Variants in NPNT observed in about 807,000 individuals in gnomAD.
The protein encoded by NPNT is nephronectin, also known as preosteoblast EGF-like repeat protein with MAM domain.
NPNT carries 45 observed loss-of-function variants against 68.6 expected under a neutral mutation model. That is an observed-to-expected ratio of 0.66 (90% CI 0.52 to 0.84). The LOEUF (loss-of-function observed/expected upper bound fraction) is 0.84. NPNT is among the 40% of genes least tolerant of loss of function. The pLI, the probability that NPNT is intolerant of heterozygous loss-of-function variation, is 0.00. For missense variants in NPNT, 672 were observed against 714.8 expected, an observed-to-expected ratio of 0.94 and a Z score of 0.68; for synonymous variants, 233 against 253.3, an observed-to-expected ratio of 0.92 and a Z score of 0.76.
chr4:105,954,989 A>T (rs1731106759), intron 8 of NPNT, among the ~76,000 whole-genome samples: 1 of 152,244 alleles, frequency 6.6e-6, no homozygotes, highest in South Asian at 2.1e-4. Flanking sequence ...TGTATAGCTG[A>T]TGCTCAGTTT....
At chr4:105,933,830 C>G (rs944877125) in intron 3 of NPNT, among the ~76,000 whole-genome samples, 37 of 152,278 alleles carry the variant, frequency 2.4e-4, no homozygotes, top group African/African-American at 7.7e-4. Context: ...ATCCAAGCTC[C>G]TGAATCCACC....
At chr4:105,917,576 G>A (rs986712390) in intron 2 of NPNT, among the ~76,000 whole-genome samples, 1 of 152,126 alleles carries the variant, frequency 6.6e-6, no homozygotes, top group East Asian at 1.9e-4. Flanking sequence ...ATATTTAAAA[G>A]TAAACCTGTA....
chr4:105,902,482 G>A (rs1022129991), intron 2 of NPNT, among the ~76,000 whole-genome samples: 1 of 152,126 alleles, frequency 6.6e-6, no homozygotes, highest in African/African-American at 2.4e-5. Context: ...TTGGTGGAGC[G>A]GAGTACACTT....
intron 2 of NPNT, 23 bp from the exon 3 acceptor site, chr4:105,927,313 T>C (rs1269933023): frequency 1.3e-6 from 2 of 1,508,504 alleles, no homozygotes; most frequent in South Asian, 2.3e-5. Context: ...CTAGAAATAA[T>C]GCATGCCATC....
intron 10 of NPNT, among the ~76,000 whole-genome samples, chr4:105,966,328 A>G (rs1167117484): frequency 6.6e-6 from 1 of 152,090 alleles, no homozygotes; most frequent in Non-Finnish European, 1.5e-5. Context: ...CTGCTGCTTA[A>G]CCATTTTTTT....
rs1491017197 is a variant in NPNT at position 105,962,869 on chromosome 4, GTA to G, written c.1345+3745_1345+3746del. 3.8e-3 allele frequency among the ~76,000 whole-genome samples: 489 copies of G among 129,188 alleles called. 3 individuals carry two copies. Among genetic ancestry groups the G allele is most frequent in the African/African-American group, 0.013 (418 of 32,058 alleles). The allele number at this position is 129,188 out of a possible 152,430, so 84.8% of individuals were successfully genotyped here. ...GGAGTGTATGTGTGTGTGTGTGTGT[GTA>G]TGTGTGTGTGTGTATGTATGTGTAT... On this transcript the variant is annotated intron_variant, in intron 10 of 11. Transcript: ENST00000379987.
chr4:105,948,642 CTT>C (rs1730572243), intron 8 of NPNT, among the ~76,000 whole-genome samples: 2 of 152,174 alleles, frequency 1.3e-5, no homozygotes, highest in South Asian at 4.1e-4. Context: ...AAATATTAAA[CTT>C]ATTTTTAAAA....
intron 8 of NPNT, among the ~76,000 whole-genome samples, chr4:105,950,596 C>T (rs894441229): frequency 7.2e-5 from 11 of 152,034 alleles, no homozygotes; most frequent in African/African-American, 2.4e-4. Context: ...CACCACCACA[C>T]CCAGCTAATT....
At chr4:105,904,792 G>A (rs2149321129) in intron 2 of NPNT, among the ~76,000 whole-genome samples, 1 of 151,880 alleles carries the variant, frequency 6.6e-6, no homozygotes, top group South Asian at 2.1e-4. Context: ...AAGCAATTCT[G>A]CCTCACTCTC....
intron 2 of NPNT, among the ~76,000 whole-genome samples, chr4:105,914,646 A>G (rs889092421): frequency 2.0e-5 from 3 of 151,474 alleles, no homozygotes; most frequent in Non-Finnish European, 2.9e-5. Flanking sequence ...GGCATGTTTT[A>G]GTATAGGATT....
At chr4:105,926,636 A>T (rs1202728904) in intron 2 of NPNT, among the ~76,000 whole-genome samples, 1 of 152,238 alleles carries the variant, frequency 6.6e-6, no homozygotes, top group African/African-American at 2.4e-5. Context: ...TATTTGAGTG[A>T]TGATTTACAG....
intron 2 of NPNT, among the ~76,000 whole-genome samples, chr4:105,900,834 G>GTTTTTTTTTTTTT (rs765343668): frequency 6.0e-4 from 58 of 96,522 alleles, no homozygotes; most frequent in Middle Eastern, 6.0e-3. Flanking sequence ...ACCCTTGGTT[G>GTTTTTTTTTTTTT]TTTTTTTTTT....
At chr4:105,917,511 C>T (rs761630079) in intron 2 of NPNT, among the ~76,000 whole-genome samples, 2 of 151,884 alleles carry the variant, frequency 1.3e-5, no homozygotes, top group Non-Finnish European at 2.9e-5. Flanking sequence ...AGCTCAAAGT[C>T]TAGTGAAGGA....
chr4:105,897,129 C>A (rs997646280), intron 1 of NPNT, among the ~76,000 whole-genome samples: 4 of 152,164 alleles, frequency 2.6e-5, no homozygotes, highest in Non-Finnish European at 5.9e-5. Context: ...TTAGGTGTGA[C>A]TCTAAACAAG....
At chr4:105,905,941 A>G (rs1441651060) in intron 2 of NPNT, among the ~76,000 whole-genome samples, 1 of 152,204 alleles carries the variant, frequency 6.6e-6, no homozygotes, top group Admixed American at 6.5e-5. Context: ...TCCTTAGAAG[A>G]TACCTTAAAA....
At chr4:105,958,404 G>A in intron 8 of NPNT, 67 bp from the exon 9 acceptor site, 1 of 852,958 alleles carries the variant, frequency 1.2e-6, no homozygotes, top group Non-Finnish European at 1.9e-6. Flanking sequence ...CCTTGTTAAA[G>A]GTAATGCCTC....
intron 8 of NPNT, among the ~76,000 whole-genome samples, chr4:105,950,955 AG>A (rs1429055984): frequency 1.3e-5 from 2 of 152,174 alleles, no homozygotes; most frequent in Non-Finnish European, 2.9e-5. Flanking sequence ...ACAAATTACA[AG>A]GGGATCTCGT....
intron 2 of NPNT, among the ~76,000 whole-genome samples, chr4:105,913,951 G>A (rs990004247): frequency 5.3e-5 from 8 of 152,110 alleles, no homozygotes; most frequent in South Asian, 2.1e-4. Flanking sequence ...TAATTTATCC[G>A]TATAATTATT....
At position 105,970,524 on chromosome 4, in the gene NPNT, A is replaced by AGG. The variant is rs746114180; in HGVS notation, c.*1535_*1536insGG. 1.5e-6 allele frequency: 1 copy of AGG among 685,170 alleles called. No homozygotes were observed. The highest frequency in any genetic ancestry group is 2.0e-5 in the Admixed American group (1 of 49,332). The allele number at this position is 685,170 out of a possible 1,614,324, so 42.4% of individuals were successfully genotyped here. Reference sequence around the variant, plus strand: ...TCAAGTATATGAAGGGTTGGCACAGAGAGGGTGGCGACCAGCTGTTCTCCA... The same window carrying AGG: ...TCAAGTATATGAAGGGTTGGCACAGAGGGAGGGTGGCGACCAGCTGTTCTCCA... On this transcript the variant is annotated 3_prime_UTR_variant, in exon 12 of 12. Coordinates refer to ENST00000379987, the MANE Select transcript of NPNT (RefSeq NM_001033047.3).
Sources: allele counts gnomAD v4.1 joint callset (sites outside exome capture counted in the v4.1 genomes callset), GRCh38; gene constraint gnomAD v4.1.1; transcripts MANE v1.5; gene names NCBI Gene and HGNC (gene_info 2026-07-23, HGNC 2026-07-21).